The following SNX4 variants were observed in gnomAD, a reference collection of about 807,000 sequenced individuals.
SNX4 encodes the protein sorting nexin 4, also known as sorting nexin-4.
A neutral mutation model predicts 70.8 loss-of-function variants in SNX4; 49 were observed. The ratio of observed to expected loss-of-function variants is 0.69; its 90% confidence interval spans 0.55 to 0.88. The LOEUF (loss-of-function observed/expected upper bound fraction) is 0.88, where lower values mean the gene tolerates loss of function less well. Ranked by LOEUF, SNX4 falls within the 40% of genes least tolerant of loss-of-function variation. The pLI is 0.00. For missense variants in SNX4, 528 were observed against 544.8 expected (o/e 0.97, Z 0.31); for synonymous variants, 206 against 183.8 (o/e 1.12, Z -0.98).
At chr3:125,453,397 G>A (rs1933626559) in intron 12 of SNX4, among the ~76,000 whole-genome samples, 1 of 152,060 alleles carries the variant, frequency 6.6e-6, no homozygotes, top group Non-Finnish European at 1.5e-5. Context: ...AATAGTGCAG[G>A]AAAATAATAT....
At chr3:125,457,237 T>C (rs752000757) in intron 11 of SNX4, 29 bp downstream of exon 11, 2 of 1,484,226 alleles carry the variant, frequency 1.3e-6, no homozygotes, top group East Asian at 2.3e-5. Context: ...TGCTACAGTA[T>C]CATCAGAGGC....
intron 1 of SNX4, among the ~76,000 whole-genome samples, chr3:125,518,466 A>T (rs1410297801): frequency 7.1e-6 from 1 of 140,078 alleles, no homozygotes; most frequent in Non-Finnish European, 1.6e-5. Context: ...TGTCTCAAAG[A>T]AAAAAAAAGC....
chr3:125,479,198 C>CA (rs1934350175), intron 7 of SNX4, among the ~76,000 whole-genome samples: 1 of 152,152 alleles, frequency 6.6e-6, no homozygotes, highest in South Asian at 2.1e-4. Context: ...AAACTGCCCC[C>CA]ACTCTCCACT....
chr3:125,469,372 A>G, intron 9 of SNX4, 82 bp downstream of exon 9: 1 of 937,170 alleles, frequency 1.1e-6, no homozygotes, highest in Middle Eastern at 2.2e-4. Flanking sequence ...CAAACTTGAT[A>G]AAAACAGAAG....
At chr3:125,473,724 T>C (rs550043711) in intron 8 of SNX4, among the ~76,000 whole-genome samples, 3 of 152,272 alleles carry the variant, frequency 2.0e-5, no homozygotes, top group Admixed American at 6.5e-5. Flanking sequence ...CTAAATTCAA[T>C]TTCTCTACAG....
At chr3:125,494,558 TTTC>T (rs1934738220) in intron 5 of SNX4, among the ~76,000 whole-genome samples, 1 of 152,304 alleles carries the variant, frequency 6.6e-6, no homozygotes, top group East Asian at 1.9e-4. Context: ...TAAAAAAAGT[TTTC>T]TTCTTTTTTA....
At chr3:125,458,249 T>G (rs983425083) in intron 10 of SNX4, among the ~76,000 whole-genome samples, 2 of 150,118 alleles carry the variant, frequency 1.3e-5, no homozygotes, top group African/African-American at 2.5e-5. Context: ...CTCGGCTAAA[T>G]GCAACCTCTG....
At chr3:125,490,916 T>G (rs1306743151) in intron 5 of SNX4, among the ~76,000 whole-genome samples, 3 of 152,098 alleles carry the variant, frequency 2.0e-5, no homozygotes, top group Non-Finnish European at 2.9e-5. Flanking sequence ...CCTTGAAAAT[T>G]TTACACTATT....
At chr3:125,448,615 T>C (rs1052933390) in intron 13 of SNX4, among the ~76,000 whole-genome samples, 3 of 149,792 alleles carry the variant, frequency 2.0e-5, no homozygotes, top group African/African-American at 4.9e-5. Context: ...CTAATATGCA[T>C]AAGCAAAAAT....
At chr3:125,456,596 C>T (rs1355822315) in intron 11 of SNX4, among the ~76,000 whole-genome samples, 1 of 152,170 alleles carries the variant, frequency 6.6e-6, no homozygotes, top group Non-Finnish European at 1.5e-5. Flanking sequence ...TCCATGAGCC[C>T]TGATCATACC....
At chr3:125,519,898 C>G (rs1935366140) in intron 1 of SNX4, 134 bp downstream of exon 1, 2 of 789,738 alleles carry the variant, frequency 2.5e-6, no homozygotes, top group Non-Finnish European at 3.7e-6. Flanking sequence ...CTTTCCACCT[C>G]GCTCCCCCTC....
intron 11 of SNX4, among the ~76,000 whole-genome samples, chr3:125,456,347 T>C (rs1579973014): frequency 6.6e-6 from 1 of 152,114 alleles, no homozygotes; most frequent in East Asian, 1.9e-4. Context: ...TCACTGCATG[T>C]TTTTTCACTT....
chr3:125,467,308 A>G (rs530171926), intron 9 of SNX4, among the ~76,000 whole-genome samples: 45 of 149,966 alleles, frequency 3.0e-4, no homozygotes, highest in African/African-American at 9.6e-4. Context: ...AATTGCTTGA[A>G]CCTGGGAGGC....
chr3:125,520,146 C>T lies in SNX4; in HGVS notation c.27G>A (p.Glu9=), dbSNP rs546240450. The change falls in exon 1 of 14, where the codon GAG becomes GAA. Residue 9 remains glutamate, a synonymous_variant. Transcript: ENST00000251775. ...CCAAGGGCGCCGGCTGGAGCTGCCG[C>T]TCGGGGTCCGGAGGTGCCTGCTCCA... MEQAPPDP[E]RQLQPAPLEP... 1.3e-4 allele frequency: 184 copies of T among 1,432,780 alleles called. No individual in the cohort carries two copies. In the Middle Eastern group the frequency reaches 2.8e-3, roughly 22 times the overall value. The allele number at this position is 1,432,780 out of a possible 1,614,324, so 88.8% of individuals were successfully genotyped here.
At chr3:125,513,167 T>A in intron 1 of SNX4, among the ~76,000 whole-genome samples, 2 of 152,268 alleles carry the variant, frequency 1.3e-5, no homozygotes, top group Middle Eastern at 6.8e-3. Flanking sequence ...AGGGCCCTCA[T>A]AAGTGGGGTT....
chr3:125,467,135 C>T (rs1934044904), intron 9 of SNX4, among the ~76,000 whole-genome samples: 1 of 147,208 alleles, frequency 6.8e-6, no homozygotes, highest in African/African-American at 2.5e-5. Flanking sequence ...CCCTGTAATC[C>T]AAGCACTTCG....
intron 12 of SNX4, among the ~76,000 whole-genome samples, chr3:125,451,927 A>G (rs541856181): frequency 6.6e-6 from 1 of 152,218 alleles, no homozygotes; most frequent in South Asian, 2.1e-4. Context: ...CACCTGGCCT[A>G]ATAATCTAAG....
chr3:125,499,010 A>G (rs1262648698), intron 2 of SNX4, among the ~76,000 whole-genome samples: 1 of 152,222 alleles, frequency 6.6e-6, no homozygotes, highest in East Asian at 1.9e-4. Context: ...AATATCCAAA[A>G]GAACAAAATA....
intron 9 of SNX4, among the ~76,000 whole-genome samples, chr3:125,464,568 T>C (rs1045678043): frequency 3.0e-5 from 4 of 132,934 alleles, no homozygotes; most frequent in Middle Eastern, 3.6e-3. Context: ...ATCTTTCTTT[T>C]TTTTTTTTTT....
Sources: allele counts gnomAD v4.1 joint callset (sites outside exome capture counted in the v4.1 genomes callset), GRCh38; gene constraint gnomAD v4.1.1; transcripts MANE v1.5; gene names NCBI Gene and HGNC (gene_info 2026-07-23, HGNC 2026-07-21).